The following SH3BP5 variants were observed in gnomAD, a reference collection of about 807,000 sequenced individuals.
SH3BP5 encodes SH3 domain binding protein 5, also known as SH3 domain-binding protein 5.
SH3BP5 carries 22 observed loss-of-function variants against 43.3 expected under a neutral mutation model. The observed-to-expected ratio is 0.51, with a 90% CI of 0.36 to 0.73. SH3BP5 has a LOEUF of 0.73. SH3BP5 is among the 30% of genes least tolerant of loss of function. The probability of loss-of-function intolerance (pLI) is 0.00; values close to 1 mark genes in which losing one functional copy is unlikely to be tolerated. For missense variants in SH3BP5, 529 were observed against 586.9 expected (o/e 0.90, Z 1.02); for synonymous variants, 255 against 225.8 (o/e 1.13, Z -1.16).
At chr3:15,334,728 G>T (rs973395977), upstream of SH3BP5, among the ~76,000 whole-genome samples, 1 of 151,924 alleles carries the variant, frequency 6.6e-6, no homozygotes, top group South Asian at 2.1e-4. Flanking sequence ...AGGTGGGTGG[G>T]TTGCTTGAGC....
At chr3:15,293,356 C>G (rs1697467458) in intron 3 of SH3BP5, among the ~76,000 whole-genome samples, 1 of 152,330 alleles carries the variant, frequency 6.6e-6, no homozygotes, top group Non-Finnish European at 1.5e-5. Flanking sequence ...GAACTGCCCC[C>G]AGGCAGGCAA....
chr3:15,336,418 A>C (rs369731789), upstream of SH3BP5, among the ~76,000 whole-genome samples: 1 of 152,160 alleles, frequency 6.6e-6, no homozygotes, highest in South Asian at 2.1e-4. Context: ...AACTCTGGCT[A>C]GTGTATGAGA....
At chr3:15,256,423 G>A (rs995791662) in intron 8 of SH3BP5, 120 bp from the exon 9 acceptor site, 1 of 1,076,624 alleles carries the variant, frequency 9.3e-7, no homozygotes. Context: ...GCTCAAACCA[G>A]TCAGCTAACT....
Position 15,289,474 on chromosome 3 carries a change from C to G in SH3BP5, c.330+14629G>C, listed in dbSNP as rs150262127. 1.2e-3 allele frequency among the ~76,000 whole-genome samples: 189 copies of G among 152,304 alleles called. 1 individual carries two copies. Among genetic ancestry groups the G allele is most frequent in the African/African-American group, 3.7e-3 (155 of 41,570 alleles). ...TTGGACTCAAATATTAGGATGTGAG[C>G]AGCAAACAGAACACTCGGTTTCAGT... On this transcript the variant is annotated intron_variant, in intron 3 of 8. Transcript: ENST00000383791.
At chr3:15,330,470 A>C in intron 2 of SH3BP5, 34 bp downstream of exon 2, 1 of 1,563,932 alleles carries the variant, frequency 6.4e-7, no homozygotes, top group African/African-American at 1.4e-5. Context: ...GAGTGACATC[A>C]CTTCACCAAG....
At position 15,332,158 on chromosome 3, in the gene SH3BP5, G is replaced by A. The variant is rs929620457; in HGVS notation, c.138+113C>T. 3.4e-6 allele frequency: 5 copies of A among 1,480,794 alleles called. No individual in the cohort carries two copies. The African/African-American group carries it at 4.2e-5, about 12-fold the overall frequency. 91.7% of individuals were successfully genotyped at this position (1,480,794 alleles called of 1,614,324 possible). On this transcript the variant is annotated intron_variant, in intron 1 of 8. Transcript: ENST00000383791. ...CCGTCTCCTGCCACCCTATGTGGCC[G>A]CCAGTCCCCGGACCACAGTTACTGG...
chr3:15,311,991 T>C (rs1214410111), intron 2 of SH3BP5, among the ~76,000 whole-genome samples: 1 of 152,028 alleles, frequency 6.6e-6, no homozygotes, highest in East Asian at 1.9e-4. Flanking sequence ...TGTAGTCCAG[T>C]GTGCCAGTCA....
In SH3BP5 at chr3:15,332,445, G is replaced by C. The variant is rs868523501; in HGVS notation, c.-37C>G. Reference sequence around the variant, plus strand: ...GCACGCGCGCCGCGCAGTGGGCTCCGGAGCGCCCCGGGGGTCGCGGCTGCC... The same window carrying C: ...GCACGCGCGCCGCGCAGTGGGCTCCCGAGCGCCCCGGGGGTCGCGGCTGCC... On this transcript the variant is annotated 5_prime_UTR_variant, in exon 1 of 9. Coordinates refer to ENST00000383791, the MANE Select transcript of SH3BP5 (RefSeq NM_004844.5). 1 of 1,500,470 alleles carries C rather than the reference G, an allele frequency of 6.7e-7. No individual in the cohort carries two copies. The allele number at this position is 1,500,470 out of a possible 1,614,324, so 92.9% of individuals were successfully genotyped here.
Position 15,306,054 on chromosome 3 carries a change from T to TA in SH3BP5, c.202-1824dup, listed in dbSNP as rs60186514. On this transcript the variant is annotated intron_variant, in intron 2 of 8. Coordinates refer to ENST00000383791, the MANE Select transcript of SH3BP5 (RefSeq NM_004844.5). ...GGAAGGAAGGACACATGCATGAGTT[T>TA]AAAAAAAAAAGAGAAATGGCAGCCG... Among the ~76,000 whole-genome samples the TA allele has an allele frequency of 1.2e-4, 17 of 137,038 alleles. No individual in the cohort carries two copies. In the East Asian group the frequency reaches 1.5e-3, roughly 12 times the overall value. 89.9% of individuals were successfully genotyped at this position (137,038 alleles called of 152,430 possible). A position where few individuals can be genotyped will look rare whatever the true frequency, so the allele number is the denominator to read the frequency against.
chr3:15,336,515 C>T (rs1288780406), upstream of SH3BP5, among the ~76,000 whole-genome samples: 1 of 152,078 alleles, frequency 6.6e-6, no homozygotes, highest in African/African-American at 2.4e-5. Flanking sequence ...CTGATTGCTT[C>T]TGTTTTTTCA....
At chr3:15,256,412 A>C in intron 8 of SH3BP5, 109 bp from the exon 9 acceptor site, 1 of 1,188,640 alleles carries the variant, frequency 8.4e-7, no homozygotes, top group East Asian at 2.3e-5. Flanking sequence ...AAGTCACTTG[A>C]GCTCAAACCA....
At chr3:15,259,921 G>A in intron 5 of SH3BP5, 118 bp from the exon 6 acceptor site, 1 of 896,390 alleles carries the variant, frequency 1.1e-6, no homozygotes. Context: ...CCAATATTTA[G>A]TAAACTCTTA....
chr3:15,255,885 A>G lies in SH3BP5; in HGVS notation c.*201T>C. On this transcript the variant is annotated 3_prime_UTR_variant, in exon 9 of 9. Transcript: ENST00000383791. ...TGAACCTAGTCACAGTCTACCCACA[A>G]CAAGAACTCTGCTCTGAAAAACCAG... The G allele has an allele frequency of 1.7e-6, 1 of 580,450 alleles. No individual in the cohort carries two copies. Among genetic ancestry groups the G allele is most frequent in the African/African-American group, 1.9e-5 (1 of 53,772 alleles). 36.0% of individuals were successfully genotyped at this position (580,450 alleles called of 1,614,324 possible).
At chr3:15,279,511 G>T (rs1261107864) in intron 3 of SH3BP5, among the ~76,000 whole-genome samples, 2 of 152,026 alleles carry the variant, frequency 1.3e-5, no homozygotes, top group Non-Finnish European at 2.9e-5. Flanking sequence ...AGCTTAAAGG[G>T]GAACTTTTAA....
chr3:15,316,579 T>G (rs752963727), intron 2 of SH3BP5, among the ~76,000 whole-genome samples: 13 of 152,162 alleles, frequency 8.5e-5, no homozygotes, highest in Non-Finnish European at 1.3e-4. Context: ...AGAATGGAAT[T>G]GAACCAATTA....
chr3:15,304,419 C>G, intron 2 of SH3BP5, 188 bp from the exon 3 acceptor site: 9 of 844,886 alleles, frequency 1.1e-5, no homozygotes, highest in Non-Finnish European at 1.5e-5. Context: ...GCGGAAACGT[C>G]CTGTGCTCTG....
chr3:15,341,074 T>C (rs968331921), intron 1 of SH3BP5: 1 of 151,902 alleles, frequency 6.6e-6, no homozygotes, highest in Non-Finnish European at 1.5e-5. Flanking sequence ...AATAAATAAA[T>C]AAACAATAAA....
At chr3:15,304,389 C>T in intron 2 of SH3BP5, 158 bp from the exon 3 acceptor site, 1 of 1,134,806 alleles carries the variant, frequency 8.8e-7, no homozygotes, top group South Asian at 1.3e-5. Context: ...CAGCACCGCC[C>T]AAAACAGCTT....
intron 6 of SH3BP5, chr3:15,259,280 T>C (rs1696342222): frequency 3.4e-6 from 2 of 590,314 alleles, no homozygotes; most frequent in Non-Finnish European, 6.0e-6. Flanking sequence ...CCAAAAACTC[T>C]CACTGGTGGA....
Sources: gnomAD v4.1 joint callset for allele counts (sites outside exome capture counted in the v4.1 genomes callset) on GRCh38, gnomAD v4.1.1 for gene constraint, MANE v1.5 for transcripts, NCBI Gene and HGNC (gene_info 2026-07-23, HGNC 2026-07-21) for gene names.